Variants in HTR4 observed in about 807,000 individuals in gnomAD.
HTR4 encodes 5-hydroxytryptamine (serotonin) receptor 4, G protein-coupled.
HTR4 carries 16 observed loss-of-function variants against 36.8 expected under a neutral mutation model. The observed-to-expected ratio is 0.43, with a 90% CI of 0.29 to 0.66. The LOEUF (loss-of-function observed/expected upper bound fraction) is 0.66, where lower values mean the gene tolerates loss of function less well. HTR4 is among the 30% of genes least tolerant of loss of function. The probability of loss-of-function intolerance (pLI) is 0.13; values close to 1 mark genes in which losing one functional copy is unlikely to be tolerated. For missense variants in HTR4, 438 were observed against 490.9 expected (o/e 0.89, Z 1.02); for synonymous variants, 189 against 185.1 (o/e 1.02, Z -0.17).
At chr5:148,469,574 T>C (rs1288032417) in intron 5 of HTR4, among the ~76,000 whole-genome samples, 1 of 152,170 alleles carries the variant, frequency 6.6e-6, no homozygotes, top group South Asian at 2.1e-4. Flanking sequence ...GCATAAACAA[T>C]AAGTTCCTAC....
chr5:148,544,405 T>C (rs1759281552), intron 4 of HTR4, among the ~76,000 whole-genome samples: 1 of 152,160 alleles, frequency 6.6e-6, no homozygotes, highest in Non-Finnish European at 1.5e-5. Flanking sequence ...AATGGAACTA[T>C]GCTAAACATT....
intron 4 of HTR4, among the ~76,000 whole-genome samples, chr5:148,526,662 G>T (rs1012987084): frequency 3.3e-5 from 5 of 151,942 alleles, no homozygotes; most frequent in African/African-American, 1.2e-4. Context: ...AGAAAATGTG[G>T]TATATATATA....
intron 4 of HTR4, among the ~76,000 whole-genome samples, chr5:148,538,513 C>A (rs1181951266): frequency 6.6e-6 from 1 of 152,140 alleles, no homozygotes; most frequent in Admixed American, 6.6e-5. Flanking sequence ...AGCTGATAAA[C>A]AACTTCAGCA....
intron 2 of HTR4, among the ~76,000 whole-genome samples, chr5:148,627,543 A>C (rs1753163403): frequency 6.6e-6 from 1 of 152,238 alleles, no homozygotes; most frequent in Non-Finnish European, 1.5e-5. Flanking sequence ...TTTGATATGC[A>C]CAAAGGTATG....
chr5:148,516,531 G>A lies in HTR4; in HGVS notation c.508-6507C>T, dbSNP rs374060450. On this transcript the variant is annotated intron_variant, in intron 5 of 6. Coordinates refer to ENST00000377888, the MANE Select transcript of HTR4 (RefSeq NM_000870.7). Reference sequence around the variant, plus strand: ...GATGGGGTTTTACCATATTGGCCAGGCTGGTCTTGAACTCCTGACCTCATG... The same window carrying A: ...GATGGGGTTTTACCATATTGGCCAGACTGGTCTTGAACTCCTGACCTCATG... 7.2e-5 allele frequency among the ~76,000 whole-genome samples: 11 copies of A among 151,844 alleles called. No homozygotes were observed. The East Asian group carries it at 2.1e-3, about 29-fold the overall frequency.
chr5:148,647,618 A>G (rs7715783), intron 1 of HTR4, among the ~76,000 whole-genome samples: 33,124 of 152,104 alleles, frequency 0.22, 4,239 homozygotes, highest in African/African-American at 0.35. Flanking sequence ...GGAGGCCGAG[A>G]CTGGCAGATC....
chr5:148,631,778 T>A (rs1373171674), intron 2 of HTR4, among the ~76,000 whole-genome samples: 1 of 152,186 alleles, frequency 6.6e-6, no homozygotes, highest in Non-Finnish European at 1.5e-5. Context: ...CTTGGTGTCA[T>A]GACAGAATTA....
At chr5:148,581,597 C>G (rs1156514605) in intron 2 of HTR4, among the ~76,000 whole-genome samples, 1 of 151,960 alleles carries the variant, frequency 6.6e-6, no homozygotes, top group African/African-American at 2.4e-5. Context: ...AGAGACTGTC[C>G]TTCCCTTATT....
chr5:148,554,433 A>G (rs544276973), intron 2 of HTR4, among the ~76,000 whole-genome samples: 14 of 152,378 alleles, frequency 9.2e-5, no homozygotes, highest in African/African-American at 3.4e-4. Context: ...AAATGAAACA[A>G]ATAAATAAGT....
intron 2 of HTR4, among the ~76,000 whole-genome samples, chr5:148,627,984 G>T (rs758859775): frequency 1.2e-4 from 19 of 152,224 alleles, no homozygotes; most frequent in Non-Finnish European, 2.1e-4. Context: ...GTACGCTGTG[G>T]CTATGAAAGG....
intron 2 of HTR4, among the ~76,000 whole-genome samples, chr5:148,609,413 T>G (rs1045633215): frequency 1.4e-4 from 22 of 152,178 alleles, no homozygotes; most frequent in African/African-American, 5.3e-4. Flanking sequence ...GATATGAATT[T>G]TTGAATTTTC....
At chr5:148,557,580 A>G (rs548303843) in intron 2 of HTR4, among the ~76,000 whole-genome samples, 1 of 151,918 alleles carries the variant, frequency 6.6e-6, no homozygotes, top group Admixed American at 6.6e-5. Context: ...GAAGGATGTG[A>G]TCACCCAAGA....
At chr5:148,643,601 AAAT>A (rs1753790028) in intron 1 of HTR4, among the ~76,000 whole-genome samples, 3 of 152,252 alleles carry the variant, frequency 2.0e-5, no homozygotes, top group Non-Finnish European at 4.4e-5. Flanking sequence ...ATTTGACCAC[AAAT>A]TCTATGAGAA....
At chr5:148,521,000 T>C (rs199559886) in intron 5 of HTR4, 546 of 1,367,468 alleles carry the variant, frequency 4.0e-4, no homozygotes, top group Non-Finnish European at 4.3e-4. Context: ...GGGCTAAGAA[T>C]GCGGTGAAAA....
chr5:148,521,868 T>G (rs1319945734), intron 5 of HTR4, among the ~76,000 whole-genome samples: 1 of 152,070 alleles, frequency 6.6e-6, no homozygotes, highest in Non-Finnish European at 1.5e-5. Context: ...CTGTCTTCAT[T>G]CCCCAGCAGC....
intron 6 of HTR4, among the ~76,000 whole-genome samples, chr5:148,505,733 A>T (rs1757164951): frequency 6.6e-6 from 1 of 152,170 alleles, no homozygotes; most frequent in Non-Finnish European, 1.5e-5. Context: ...CCAATAACAG[A>T]CAAACAGAGG....
Position 148,506,786 on chromosome 5 carries a change from C to G in HTR4, c.1076+2670G>C, listed in dbSNP as rs569511532. Among the ~76,000 whole-genome samples, 41 of 152,336 alleles carry G rather than the reference C, an allele frequency of 2.7e-4. No homozygotes were observed. The South Asian group carries it at 8.3e-3, about 31-fold the overall frequency. On this transcript the variant is annotated intron_variant, in intron 6 of 6. Transcript: ENST00000377888. ...GCACATGAAAAAATGCTCATCATCACTGGCCGTCAGAGAAATGCAAATCAA... is the reference window on the plus strand; with the variant it reads ...GCACATGAAAAAATGCTCATCATCAGTGGCCGTCAGAGAAATGCAAATCAA...
exon 6 of HTR4, chr5:148,451,211 G>A (rs780491280): frequency 1.9e-6 from 3 of 1,613,854 alleles, no homozygotes; most frequent in Non-Finnish European, 2.5e-6. Context: ...AGGGATTCTG[G>A]GTCATTGTGT....
intron 5 of HTR4, chr5:148,465,842 A>G: frequency 6.2e-7 from 1 of 1,607,684 alleles, no homozygotes; most frequent in Non-Finnish European, 8.5e-7. Flanking sequence ...AGACAGTGAC[A>G]GACTTACAGA....
Sources: gnomAD v4.1 joint callset for allele counts (sites outside exome capture counted in the v4.1 genomes callset) on GRCh38, gnomAD v4.1.1 for gene constraint, MANE v1.5 for transcripts, NCBI Gene and HGNC (gene_info 2026-07-23, HGNC 2026-07-21) for gene names.